DCC: variants seen among roughly 807,000 people sequenced by gnomAD.
DCC encodes DCC netrin 1 receptor.
A neutral mutation model predicts 172.5 loss-of-function variants in DCC; 58 were observed. The ratio of observed to expected loss-of-function variants is 0.34; its 90% confidence interval spans 0.27 to 0.42. DCC has a LOEUF of 0.42. Ranked by LOEUF, DCC falls within the 10% of genes least tolerant of loss-of-function variation. DCC has a pLI of 1.00. For synonymous variants in DCC, 709 were observed against 644.5 expected (o/e 1.10, Z -1.52); for missense variants, 1,740 against 1,791.0 (o/e 0.97, Z 0.51).
intron 21 of DCC, among the ~76,000 whole-genome samples, chr18:53,429,261 A>G (rs1244502736): frequency 1.9e-5 from 1 of 52,700 alleles, no homozygotes; most frequent in African/African-American, 4.1e-5. Flanking sequence ...ACTTTAGAAG[A>G]TGGTCTCTGC....
intron 5 of DCC, among the ~76,000 whole-genome samples, chr18:53,061,010 T>C (rs2042488146): frequency 6.6e-6 from 1 of 152,182 alleles, no homozygotes; most frequent in East Asian, 1.9e-4. Context: ...TTAGTATAGT[T>C]ACATACAATA....
At chr18:52,439,639 G>A (rs1325294150) in intron 1 of DCC, among the ~76,000 whole-genome samples, 1 of 152,160 alleles carries the variant, frequency 6.6e-6, no homozygotes, top group Non-Finnish European at 1.5e-5. Flanking sequence ...AATTCAACCT[G>A]TTAAATAGCA....
chr18:52,373,994 C>T (rs1409301565), intron 1 of DCC, among the ~76,000 whole-genome samples: 2 of 150,520 alleles, frequency 1.3e-5, no homozygotes, highest in Non-Finnish European at 3.0e-5. Flanking sequence ...TGAGTTCACA[C>T]CATTCTCCTT....
chr18:52,764,927 C>T (rs1382161561), intron 2 of DCC, among the ~76,000 whole-genome samples: 1 of 152,136 alleles, frequency 6.6e-6, no homozygotes, highest in African/African-American at 2.4e-5. Context: ...CATAGAGTCA[C>T]ATCAGCATAC....
At chr18:52,742,186 C>G (rs1341835052) in intron 1 of DCC, among the ~76,000 whole-genome samples, 2 of 152,082 alleles carry the variant, frequency 1.3e-5, no homozygotes, top group African/African-American at 4.8e-5. Flanking sequence ...TCTTTTTAAG[C>G]CACCCAATCT....
chr18:52,818,170 G>C (rs149710511), intron 2 of DCC: 15 of 152,268 alleles, frequency 9.9e-5, no homozygotes, highest in African/African-American at 3.6e-4. Context: ...TTGAACCCAG[G>C]AGTTGGAGAC....
chr18:53,427,379 C>T (rs1911040260), intron 21 of DCC, among the ~76,000 whole-genome samples: 1 of 152,076 alleles, frequency 6.6e-6, no homozygotes, highest in Non-Finnish European at 1.5e-5. Context: ...CACCATACTA[C>T]TGATATTATG....
intron 1 of DCC, among the ~76,000 whole-genome samples, chr18:52,649,059 C>G (rs923477711): frequency 1.3e-5 from 2 of 152,090 alleles, no homozygotes; most frequent in African/African-American, 4.8e-5. Context: ...CCTTAAAATA[C>G]GCAGAAGAAC....
intron 2 of DCC, among the ~76,000 whole-genome samples, chr18:52,787,592 A>G (rs2037684075): frequency 6.6e-6 from 1 of 152,122 alleles, no homozygotes; most frequent in Non-Finnish European, 1.5e-5. Flanking sequence ...TCATTTTGGC[A>G]ATCCCATGCA....
At chr18:52,810,646 T>C (rs1013219362) in intron 2 of DCC, among the ~76,000 whole-genome samples, 2 of 152,012 alleles carry the variant, frequency 1.3e-5, no homozygotes, top group Non-Finnish European at 2.9e-5. Flanking sequence ...GATTGGTTGG[T>C]GAGTATGCAA....
chr18:52,668,851 C>T (rs140281810), intron 1 of DCC, among the ~76,000 whole-genome samples: 54 of 152,308 alleles, frequency 3.5e-4, no homozygotes, highest in African/African-American at 1.0e-3. Context: ...TTTTGGTGCT[C>T]AACTCTTGTC....
intron 5 of DCC, among the ~76,000 whole-genome samples, chr18:52,954,114 T>TA (rs2145554722): frequency 6.6e-6 from 1 of 152,336 alleles, no homozygotes; most frequent in Non-Finnish European, 1.5e-5. Context: ...TCCCTTTCAT[T>TA]AAAATAGGAA....
chr18:53,407,631 C>CAT, intron 19 of DCC, among the ~76,000 whole-genome samples: 1 of 146,126 alleles, frequency 6.8e-6, no homozygotes, highest in East Asian at 2.0e-4. Context: ...GCAAATATTT[C>CAT]ATATATATCT....
intron 9 of DCC, among the ~76,000 whole-genome samples, chr18:53,185,406 A>C (rs7505145): frequency 0.57 from 86,825 of 151,994 alleles, 26,510 homozygotes; most frequent in African/African-American, 0.76. Flanking sequence ...AAGTTCTAGA[A>C]CTACAGTTTC....
chr18:52,401,078 A>G (rs537257699), intron 1 of DCC, among the ~76,000 whole-genome samples: 1 of 152,148 alleles, frequency 6.6e-6, no homozygotes, highest in South Asian at 2.1e-4. Flanking sequence ...CGTTCTGCAC[A>G]TGTATCCCAG....
rs529781514 is a variant in DCC, at chr18:53,350,197, A to G, written c.2359+10290A>G. Among the ~76,000 whole-genome samples, 153 of 152,286 alleles carry G rather than the reference A, an allele frequency of 1.0e-3. 1 individual carries two copies. The highest frequency in any genetic ancestry group is 1.6e-3 in the Non-Finnish European group (109 of 68,014). On this transcript the variant is annotated intron_variant, in intron 15 of 28. Coordinates refer to ENST00000442544, the MANE Select transcript of DCC (RefSeq NM_005215.4). The stretch of plus-strand genomic sequence containing the variant: ...TCTTCCAATTCTAATTAGTCCATGT[A>G]AAACTATCATGTCTTAAGGAAAATG...
intron 11 of DCC, among the ~76,000 whole-genome samples, chr18:53,212,172 T>C (rs969737092): frequency 6.6e-6 from 1 of 152,162 alleles, no homozygotes; most frequent in Admixed American, 6.6e-5. Context: ...ACTTGATCTG[T>C]CCTACAAAAT....
At chr18:53,489,382 C>T (rs929227160) in intron 26 of DCC, among the ~76,000 whole-genome samples, 18 of 152,162 alleles carry the variant, frequency 1.2e-4, no homozygotes, top group African/African-American at 4.3e-4. Context: ...TTCTAGGAAA[C>T]TAAATATTCT....
intron 22 of DCC, among the ~76,000 whole-genome samples, chr18:53,436,930 G>A (rs1911979516): frequency 6.6e-6 from 1 of 152,136 alleles, no homozygotes; most frequent in Non-Finnish European, 1.5e-5. Flanking sequence ...CTCCCATGGT[G>A]TTTGGAAAGG....
Sources: gnomAD v4.1 joint callset for allele counts (sites outside exome capture counted in the v4.1 genomes callset) on GRCh38, gnomAD v4.1.1 for gene constraint, MANE v1.5 for transcripts, NCBI Gene and HGNC (gene_info 2026-07-23, HGNC 2026-07-21) for gene names.